SLC38A6: variants seen among roughly 807,000 people sequenced by gnomAD.
The protein encoded by SLC38A6 is N system amino acid transporter NAT-1.
Under a neutral mutation model 65.0 loss-of-function variants are expected in SLC38A6, and 73 were observed. The ratio of observed to expected loss-of-function variants is 1.12; its 90% CI spans 0.93 to 1.37. SLC38A6 has a LOEUF of 1.37. Ranked by LOEUF, SLC38A6 falls within the 40% of genes most tolerant of loss-of-function variation. The pLI is 0.00. For missense variants in SLC38A6, 561 were observed against 531.1 expected (o/e 1.06, Z -0.55); for synonymous variants, 183 against 178.8 (o/e 1.02, Z -0.19).
intron 1 of SLC38A6, chr14:60,982,052 T>C (rs1305120650): frequency 2.4e-6 from 1 of 417,616 alleles, no homozygotes; most frequent in Non-Finnish European, 4.8e-6. Flanking sequence ...TCCTTCCAGT[T>C]TGGTAGAACT....
At chr14:61,062,128 G>C (rs971365816) in intron 15 of SLC38A6, among the ~76,000 whole-genome samples, 1 of 152,158 alleles carries the variant, frequency 6.6e-6, no homozygotes, top group Non-Finnish European at 1.5e-5. Context: ...ACGATGCCCA[G>C]CCCCTGTGTA....
chr14:61,032,276 T>C (rs967152234), intron 6 of SLC38A6, among the ~76,000 whole-genome samples: 1 of 151,868 alleles, frequency 6.6e-6, no homozygotes, highest in Admixed American at 6.6e-5. Flanking sequence ...TATTGTCATA[T>C]GTCGGTGGAA....
intron 3 of SLC38A6, among the ~76,000 whole-genome samples, chr14:60,999,125 A>T (rs1324680342): frequency 6.6e-6 from 1 of 152,226 alleles, no homozygotes; most frequent in East Asian, 1.9e-4. Flanking sequence ...CAAGTCTCAG[A>T]TCCCAAGGAA....
At chr14:60,986,995 C>A (rs1594953739) in intron 3 of SLC38A6, 3 of 384,386 alleles carry the variant, frequency 7.8e-6, no homozygotes, top group Non-Finnish European at 1.5e-5. Context: ...AACTCTGGGG[C>A]GTATGAAGTG....
chr14:61,052,719 A>G, downstream of SLC38A6: 1 of 203,924 alleles, frequency 4.9e-6, no homozygotes, highest in South Asian at 1.3e-4. Flanking sequence ...TACAGAGTTC[A>G]CATATACCGT....
intron 15 of SLC38A6, among the ~76,000 whole-genome samples, chr14:61,061,181 A>C (rs994978512): frequency 6.6e-6 from 1 of 152,164 alleles, no homozygotes; most frequent in African/African-American, 2.4e-5. Context: ...CCTTTTCTGC[A>C]CCTATTGAGA....
chr14:61,046,254 AT>A, intron 12 of SLC38A6, 87 bp downstream of exon 12: 1 of 826,524 alleles, frequency 1.2e-6, no homozygotes, highest in Non-Finnish European at 1.9e-6. Flanking sequence ...TATGCCTTTT[AT>A]TACTAAGTTA....
At chr14:61,049,260 G>C (rs993112173) in intron 12 of SLC38A6, among the ~76,000 whole-genome samples, 3 of 152,168 alleles carry the variant, frequency 2.0e-5, no homozygotes, top group African/African-American at 4.8e-5. Context: ...TACTAGGTCT[G>C]AAATGCATTT....
Position 61,007,397 on chromosome 14 carries a change from A to T in SLC38A6, c.311-8507A>T, listed in dbSNP as rs902218393. Among the ~76,000 whole-genome samples, 79 of 152,290 alleles carry T rather than the reference A, an allele frequency of 5.2e-4. 1 individual carries two copies. Among genetic ancestry groups the T allele is most frequent in the African/African-American group, 1.9e-3 (78 of 41,576 alleles). Reference sequence around the variant, plus strand: ...GTAATCCCAGCACTTTGTGAGGCCAAGGTAGGAGGATGGCTTGAGTCCAAG... The same window carrying T: ...GTAATCCCAGCACTTTGTGAGGCCATGGTAGGAGGATGGCTTGAGTCCAAG... On this transcript the variant is annotated intron_variant, in intron 3 of 15. Transcript: ENST00000267488.
At chr14:61,014,319 A>C (rs1323262717) in intron 3 of SLC38A6, among the ~76,000 whole-genome samples, 1 of 152,016 alleles carries the variant, frequency 6.6e-6, no homozygotes, top group Non-Finnish European at 1.5e-5. Flanking sequence ...CTTCTTTGCC[A>C]TGGGTTCGAA....
At chr14:61,026,600 A>G (rs1056425220) in intron 5 of SLC38A6, among the ~76,000 whole-genome samples, 1 of 152,092 alleles carries the variant, frequency 6.6e-6, no homozygotes, top group African/African-American at 2.4e-5. Context: ...TAAAAAAGAA[A>G]AATAATTCTG....
At chr14:61,027,142 A>G (rs956071128) in intron 5 of SLC38A6, among the ~76,000 whole-genome samples, 17 of 152,078 alleles carry the variant, frequency 1.1e-4, no homozygotes, top group Non-Finnish European at 5.9e-5. Flanking sequence ...TTTTCAGTTG[A>G]CAGATGTTTT....
chr14:60,997,140 G>A (rs2038354676), intron 3 of SLC38A6, among the ~76,000 whole-genome samples: 1 of 152,040 alleles, frequency 6.6e-6, no homozygotes, highest in African/African-American at 2.4e-5. Context: ...TTGGGAGGGG[G>A]TGTTTAGATG....
intron 12 of SLC38A6, among the ~76,000 whole-genome samples, chr14:61,047,671 C>T (rs996344964): frequency 1.3e-5 from 2 of 152,014 alleles, no homozygotes; most frequent in African/African-American, 4.8e-5. Flanking sequence ...ATGTATGTAT[C>T]TATGTATAAT....
intron 16 of SLC38A6, among the ~76,000 whole-genome samples, chr14:61,079,133 C>CTTTTT (rs34713691): frequency 1.3e-4 from 12 of 93,906 alleles, no homozygotes; most frequent in African/African-American, 2.3e-4. Context: ...TGCCTCCAAA[C>CTTTTT]TTTTTTTTTT....
chr14:61,041,446 G>A (rs1350113567), intron 8 of SLC38A6, among the ~76,000 whole-genome samples: 1 of 152,150 alleles, frequency 6.6e-6, no homozygotes, highest in Admixed American at 6.5e-5. Context: ...GCACTTTGGA[G>A]CATTGCTTTG....
intron 7 of SLC38A6, 44 bp from the exon 8 acceptor site, chr14:61,037,581 C>A (rs750191665): frequency 2.2e-6 from 3 of 1,380,864 alleles, no homozygotes; most frequent in Non-Finnish European, 1.0e-6. Context: ...ACGTTAAAAT[C>A]GCTTTCCTTA....
chr14:61,021,838 C>T (rs1444009508), intron 5 of SLC38A6, among the ~76,000 whole-genome samples: 1 of 152,000 alleles, frequency 6.6e-6, no homozygotes, highest in Non-Finnish European at 1.5e-5. Flanking sequence ...TGTCTTTTTT[C>T]GTAGCCAGAT....
chr14:61,026,904 G>C (rs1185410289), intron 5 of SLC38A6, among the ~76,000 whole-genome samples: 1 of 152,102 alleles, frequency 6.6e-6, no homozygotes, highest in African/African-American at 2.4e-5. Context: ...GATGTTAGCT[G>C]TTTTCATGGA....
Sources: allele counts gnomAD v4.1 joint callset (sites outside exome capture counted in the v4.1 genomes callset), GRCh38; gene constraint gnomAD v4.1.1; transcripts MANE v1.5; gene names NCBI Gene and HGNC (gene_info 2026-07-23, HGNC 2026-07-21).